Variants in ITGA3 observed in about 807,000 individuals in gnomAD.
ITGA3 encodes the protein integrin subunit alpha 3.
In ITGA3, 70 loss-of-function variants were observed where a neutral mutation model predicts 131.1. That is an observed-to-expected ratio of 0.53 (90% CI 0.44 to 0.65). The LOEUF is 0.65. Ranked by LOEUF, ITGA3 falls within the 30% of genes least tolerant of loss-of-function variation. The pLI is 0.00. For synonymous variants in ITGA3, 537 were observed against 571.6 expected (o/e 0.94, Z 0.86); for missense variants, 1,098 against 1,388.6 (o/e 0.79, Z 3.33).
chr17:50,080,269 C>T lies in ITGA3; in HGVS notation c.2714C>T (p.Ala905Val), dbSNP rs752044386. 6 of 1,605,742 alleles carry T rather than the reference C, an allele frequency of 3.7e-6. No homozygotes were observed. Among genetic ancestry groups the T allele is most frequent in the Non-Finnish European group, 5.1e-6 (6 of 1,173,836 alleles). ...KAKSETVLTC[A>V]TGRAHCVWLE... ...GTTCCCTGCCCGCCTCAGACCTGTG[C>T]CACAGGGCGTGCCCACTGTGTGTGG... The change falls in exon 22 of 26, where the codon GCC becomes GTC. Residue 905 changes from alanine to valine, a missense_variant. Coordinates refer to ENST00000320031, the MANE Select transcript of ITGA3 (RefSeq NM_002204.4).
Position 50,084,829 on chromosome 17 carries a change from C to T in ITGA3, c.2920-2915C>T, listed in dbSNP as rs1207502066. 3.9e-5 allele frequency among the ~76,000 whole-genome samples: 6 copies of T among 152,004 alleles called. No individual in the cohort carries two copies. In the East Asian group the frequency reaches 1.2e-3, roughly 29 times the overall value. On this transcript the variant is annotated intron_variant, in intron 23 of 25. Coordinates refer to ENST00000320031, the MANE Select transcript of ITGA3 (RefSeq NM_002204.4). The stretch of plus-strand genomic sequence containing the variant: ...ACACTGGAGGCTGAGGCAGGAGAAT[C>T]ACTTGAGCCCAGGAGGTGGAGTCTC...
intron 21 of ITGA3, 39 bp downstream of exon 21, chr17:50,079,596 C>T (rs758733771): frequency 3.4e-6 from 5 of 1,482,698 alleles, no homozygotes; most frequent in Non-Finnish European, 4.5e-6. Context: ...ATTGCATCCA[C>T]CCCATCACAG....
In ITGA3 at chr17:50,064,479, T is replaced by C; in HGVS notation, c.335-49T>C. On this transcript the variant is annotated intron_variant, in intron 2 of 25. Coordinates refer to ENST00000320031, the MANE Select transcript of ITGA3 (RefSeq NM_002204.4). This position sits in a 1 kb window ranked among gnomAD's most constrained non-coding sequence, Gnocchi z 4.4. ...CCTGCCCTCTGGAGACTTTGGGCAC[T>C]GAAGTATGGGTGAGGTGCTCTGATT... 1 of 1,560,090 alleles carries C rather than the reference T, an allele frequency of 6.4e-7. No homozygotes were observed. Among genetic ancestry groups the C allele is most frequent in the Non-Finnish European group, 8.7e-7 (1 of 1,148,414 alleles).
Position 50,077,192 on chromosome 17 carries a change from C to T in ITGA3, c.2070+71C>T. Reference sequence around the variant, plus strand: ...GTCTTTGCATCCCCATATCCATGTCCTGTGCAGGTGTTGTCGTCTGCCACG... The same window carrying T: ...GTCTTTGCATCCCCATATCCATGTCTTGTGCAGGTGTTGTCGTCTGCCACG... On this transcript the variant is annotated intron_variant, in intron 15 of 25. Coordinates refer to ENST00000320031, the MANE Select transcript of ITGA3 (RefSeq NM_002204.4). The T allele has an allele frequency of 5.5e-6, 8 of 1,460,680 alleles. No homozygotes were observed. In the South Asian group the frequency reaches 1.1e-4, roughly 19 times the overall value. The allele number at this position is 1,460,680 out of a possible 1,614,324, so 90.5% of individuals were successfully genotyped here.
chr17:50,074,689 A>C (rs1403868361), intron 10 of ITGA3, among the ~76,000 whole-genome samples, 155 bp downstream of exon 10: 1 of 152,226 alleles, frequency 6.6e-6, no homozygotes, highest in Non-Finnish European at 1.5e-5. Flanking sequence ...CCTCATTAAA[A>C]AGCAAAATTC....
At position 50,056,674 on chromosome 17, in the gene ITGA3, G is replaced by A; in HGVS notation, c.206+29G>A. ...AGTGAAGCTGGAGGGTGTGGGGTGGGAGCGAGAGAGTGTGCGAGCGCGGGA... is the reference window on the plus strand; with the variant it reads ...AGTGAAGCTGGAGGGTGTGGGGTGGAAGCGAGAGAGTGTGCGAGCGCGGGA... On this transcript the variant is annotated intron_variant, in intron 1 of 25. Transcript: ENST00000320031. The surrounding 1 kb of genome is among the most constrained non-coding windows in gnomAD (Gnocchi z 5.6). 5 of 1,575,196 alleles carry A rather than the reference G, an allele frequency of 3.2e-6. No individual in the cohort carries two copies. The highest frequency in any genetic ancestry group is 4.3e-6 in the Non-Finnish European group (5 of 1,159,734).
rs575131351 is a variant in ITGA3, at chr17:50,074,643, T to G, written c.1469+109T>G. On this transcript the variant is annotated intron_variant, in intron 10 of 25. Transcript: ENST00000320031. ...TCCTGACATCCCACCTTTAGAAATT[T>G]GATTCTTGGGGCCAGCATTTGCCCT... 1.2e-4 allele frequency: 94 copies of G among 773,444 alleles called. 1 individual carries two copies. In the African/African-American group the frequency reaches 1.3e-3, roughly 11 times the overall value. The allele number at this position is 773,444 out of a possible 1,614,324, so 47.9% of individuals were successfully genotyped here.
Position 50,079,107 on chromosome 17 carries a change from TG to T in ITGA3, c.2436del (p.Thr813ProfsTer4). 6.2e-7 allele frequency: 1 copy of T among 1,613,800 alleles called. No individual in the cohort carries two copies. The highest frequency in any genetic ancestry group is 8.5e-7 in the Non-Finnish European group (1 of 1,179,932). On this transcript the variant is annotated frameshift_variant, in exon 20 of 26. Coordinates refer to ENST00000320031, the MANE Select transcript of ITGA3 (RefSeq NM_002204.4). LOFTEE classifies it high-confidence loss of function. ...CCAATGGGGGAGGGGCTGGTGGGCC[TG>T]GGGACCCTGGTCCTAGGTCTGGAGT... ...VGPMGEGLVG[L>X]GTLVLGLEWP...
intron 4 of ITGA3, among the ~76,000 whole-genome samples, chr17:50,069,818 G>C (rs1004044699): frequency 6.6e-6 from 1 of 152,158 alleles, no homozygotes; most frequent in African/African-American, 2.4e-5. Context: ...ACTACACATG[G>C]TCTCACAGGG....
rs1306636908 is a variant in ITGA3, at chr17:50,087,845, G to A, written c.3021G>A (p.Gly1007=). ...TGGGTGCAGGGCTGCTGCTGCTGGG[G>A]CTGATCATCCTCCTGCTGTGGAAGG... is the stretch of plus-strand genomic sequence containing the variant. ...VAVGAGLLLL[G]LIILLLWKCG... The change falls in exon 24 of 26, where the codon GGG becomes GGA. Residue 1007 remains glycine (G), a synonymous_variant. Coordinates refer to ENST00000320031, the MANE Select transcript of ITGA3 (RefSeq NM_002204.4). 2 of 1,603,408 alleles carry A rather than the reference G, an allele frequency of 1.2e-6. No homozygotes were observed. Among genetic ancestry groups the A allele is most frequent in the Admixed American group, 3.4e-5 (2 of 58,306 alleles).
intron 10 of ITGA3, 141 bp from the exon 11 acceptor site, chr17:50,075,318 C>T: frequency 1.3e-6 from 1 of 782,192 alleles, no homozygotes; most frequent in South Asian, 1.6e-5. Context: ...CACCACAGAC[C>T]TGCTTTGTGG....
chr17:50,071,861 G>T, intron 6 of ITGA3, 125 bp from the exon 7 acceptor site: 1 of 797,336 alleles, frequency 1.3e-6, no homozygotes, highest in Non-Finnish European at 2.0e-6. Context: ...TCCCACCCAT[G>T]ACCTGTGGCC....
intron 23 of ITGA3, among the ~76,000 whole-genome samples, chr17:50,084,272 A>T (rs998002879): frequency 6.7e-5 from 10 of 150,058 alleles, no homozygotes; most frequent in African/African-American, 2.4e-4. Context: ...ATGCTGTCTA[A>T]TGCTGATGAG....
In ITGA3 at chr17:50,064,073, C is replaced by T. The variant is rs1176906895; in HGVS notation, c.207-4C>T. The T allele has an allele frequency of 6.2e-7, 1 of 1,612,638 alleles. No individual in the cohort carries two copies. Among genetic ancestry groups the T allele is most frequent in the Non-Finnish European group, 8.5e-7 (1 of 1,179,618 alleles). On this transcript the variant is annotated splice_polypyrimidine_tract_variant and splice_region_variant and intron_variant, in intron 1 of 25. Coordinates refer to ENST00000320031, the MANE Select transcript of ITGA3 (RefSeq NM_002204.4). This position sits in a 1 kb window ranked among gnomAD's most constrained non-coding sequence, Gnocchi z 4.4. ...CCCGGACCCACCTCCGTCCCTATCC[C>T]CAGGCTCCTGGCTGGTGCCCCCCGG...
At position 50,068,281 on chromosome 17, in the gene ITGA3, G is replaced by A. The variant is rs747684621; in HGVS notation, c.640G>A (p.Ala214Thr). ...GFTQNTVYFG[A>T]PGAYNWKGNS... ...CACCCAGAACACTGTGTACTTCGGC[G>A]CCCCCGGTGCCTACAACTGGAAAGG... The change falls in exon 4 of 26, where the codon GCC (alanine) becomes ACC (threonine). Residue 214 changes from alanine (A) to threonine (T), a missense_variant. Around this residue, in one of 3 missense-constraint regions of ITGA3, gnomAD observed 356 missense variants for 529.2 expected, o/e 0.67. Transcript: ENST00000320031. 25 of 1,613,212 alleles carry A rather than the reference G, an allele frequency of 1.5e-5. No homozygotes were observed. The highest frequency in any genetic ancestry group is 3.3e-5 in the South Asian group (3 of 91,082).
intron 1 of ITGA3, 190 bp from the exon 2 acceptor site, chr17:50,063,887 C>G (rs895375307): frequency 5.6e-6 from 4 of 720,514 alleles, no homozygotes; most frequent in Admixed American, 5.7e-5. Context: ...CTGCTTCCCA[C>G]TCCCGGGGCA....
intron 4 of ITGA3, among the ~76,000 whole-genome samples, chr17:50,069,057 C>T (rs1908490582): frequency 6.6e-6 from 1 of 151,770 alleles, no homozygotes; most frequent in Non-Finnish European, 1.5e-5. Context: ...ACCGTGTTAG[C>T]CAGGATGGTC....
Position 50,077,453 on chromosome 17 carries a change from C to T in ITGA3, c.2139+6C>T. 6.2e-7 allele frequency: 1 copy of T among 1,608,164 alleles called. No individual in the cohort carries two copies. The highest frequency in any genetic ancestry group is 8.5e-7 in the Non-Finnish European group (1 of 1,174,632). The stretch of plus-strand genomic sequence containing the variant: ...CCTTCAAACGGAACCAGAGGGTGAG[C>T]ACCGGCCACATCCTCCCAGTCCTCC... On this transcript the variant is annotated splice_donor_region_variant and intron_variant, in intron 16 of 25. Transcript: ENST00000320031.
intron 23 of ITGA3, among the ~76,000 whole-genome samples, chr17:50,085,277 C>A (rs2144316923): frequency 6.6e-6 from 1 of 151,730 alleles, no homozygotes; most frequent in South Asian, 2.1e-4. Flanking sequence ...GTGACATGAT[C>A]CCATTTATGT....
Sources: allele counts gnomAD v4.1 joint callset (sites outside exome capture counted in the v4.1 genomes callset), GRCh38; gene constraint gnomAD v4.1.1; regional missense constraint gnomAD v4.1.1; non-coding constraint Gnocchi (gnomAD v3.1); transcripts MANE v1.5; gene names NCBI Gene and HGNC (gene_info 2026-07-23, HGNC 2026-07-21).